The following CELF2 variants were observed in gnomAD, a reference collection of about 807,000 sequenced individuals.
CELF2 encodes CUG triplet repeat RNA-binding protein 2.
A neutral mutation model predicts 62.6 loss-of-function variants in CELF2; 8 were observed. The ratio of observed to expected loss-of-function variants is 0.13; its 90% CI spans 0.07 to 0.23. CELF2 has a LOEUF of 0.23. Ranked by LOEUF, CELF2 falls within the 10% of genes least tolerant of loss-of-function variation. CELF2 has a pLI of 1.00. For synonymous variants in CELF2, 258 were observed against 250.0 expected (o/e 1.03, Z -0.30); for missense variants, 333 against 671.0 (o/e 0.50, Z 5.56).
At chr10:11,212,520 GCA>G (rs1237732127) in intron 2 of CELF2, among the ~76,000 whole-genome samples, 3 of 152,346 alleles carry the variant, frequency 2.0e-5, no homozygotes, top group East Asian at 3.9e-4. Flanking sequence ...CAGAGAATCA[GCA>G]CAGTCTTTTT....
At chr10:10,540,024 T>C in the CELF2 span, among the ~76,000 whole-genome samples, 1 of 152,314 alleles carries the variant, frequency 6.6e-6, no homozygotes, top group Non-Finnish European at 1.5e-5. Flanking sequence ...GCTCCCTTAT[T>C]TTTTAAACCC....
At chr10:10,608,129 A>AAAAC in the CELF2 span, among the ~76,000 whole-genome samples, 40,255 of 125,050 alleles carry the variant, frequency 0.32, 5,730 homozygotes, top group South Asian at 0.54. Context: ...AACTCTGTTA[A>AAAAC]AAACAAACAA....
intron 1 of CELF2, among the ~76,000 whole-genome samples, chr10:11,023,100 C>T (rs566425550): frequency 9.2e-5 from 14 of 152,248 alleles, no homozygotes; most frequent in African/African-American, 3.4e-4. Context: ...GGGAGGGTCA[C>T]ATTTTCGCTT....
At chr10:11,136,445 T>A (rs1200501001) in intron 1 of CELF2, among the ~76,000 whole-genome samples, 1 of 151,714 alleles carries the variant, frequency 6.6e-6, no homozygotes, top group Admixed American at 6.6e-5. Context: ...TTACTAAAAA[T>A]AAGAAAAAAT....
At chr10:10,515,191 A>G in the CELF2 span, among the ~76,000 whole-genome samples, 2 of 152,306 alleles carry the variant, frequency 1.3e-5, no homozygotes, top group South Asian at 4.1e-4. Context: ...GGACTCTACA[A>G]TGGCACCTGA....
chr10:10,794,440 G>A (rs983597386), upstream of CELF2, among the ~76,000 whole-genome samples: 3 of 152,048 alleles, frequency 2.0e-5, no homozygotes, highest in Non-Finnish European at 2.9e-5. Flanking sequence ...AAAGCAAGCC[G>A]CTCCAAAACA....
chr10:10,835,391 T>C (rs868432383), intron 1 of CELF2, among the ~76,000 whole-genome samples: 102 of 151,970 alleles, frequency 6.7e-4, no homozygotes, highest in Middle Eastern at 6.8e-3. Flanking sequence ...TGATTTTTTT[T>C]TTTTTTTCTG....
rs990398394 is a variant in CELF2 at position 11,011,802 on chromosome 10, A to T, written c.53+6362A>T. Among the ~76,000 whole-genome samples, 1 of 152,226 alleles carries T rather than the reference A, an allele frequency of 6.6e-6. No individual in the cohort carries two copies. Among genetic ancestry groups the T allele is most frequent in the African/African-American group, 2.4e-5 (1 of 41,448 alleles). ...GGACTTCATGGGAATTAGCATCAAA[A>T]GCAAAGTTAAATAAAAAGTCATTTG... On this transcript the variant is annotated intron_variant, in intron 1 of 12. Coordinates refer to the CELF2 transcript ENST00000416382. This position sits in a 1 kb window ranked among gnomAD's most constrained non-coding sequence, Gnocchi z 4.6.
chr10:10,650,705 A>G, the CELF2 span, among the ~76,000 whole-genome samples: 3 of 152,384 alleles, frequency 2.0e-5, no homozygotes, highest in East Asian at 5.8e-4. Flanking sequence ...TGGGGAAGAT[A>G]GAACTGTCAT....
At chr10:11,086,007 G>A (rs888445386) in intron 1 of CELF2, among the ~76,000 whole-genome samples, 2 of 152,088 alleles carry the variant, frequency 1.3e-5, no homozygotes, top group South Asian at 2.1e-4. Context: ...ATTAATACAC[G>A]TGAAAGTGCT....
the CELF2 span, among the ~76,000 whole-genome samples, chr10:10,547,073 C>T: frequency 6.6e-6 from 1 of 152,122 alleles, no homozygotes; most frequent in Admixed American, 6.5e-5. Flanking sequence ...CGCCACTGCA[C>T]TCTATCCTGG....
At chr10:10,736,255 C>G in the CELF2 span, among the ~76,000 whole-genome samples, 2 of 152,074 alleles carry the variant, frequency 1.3e-5, no homozygotes, top group Admixed American at 1.3e-4. Context: ...GCTTTTAAAA[C>G]GAAGGTGCTA....
intron 1 of CELF2, among the ~76,000 whole-genome samples, chr10:11,164,848 A>C (rs997059769): frequency 6.6e-6 from 1 of 152,112 alleles, no homozygotes; most frequent in African/African-American, 2.4e-5. Flanking sequence ...GCATAGCTGG[A>C]CCGCTTTCCA....
At chr10:10,775,321 A>C in the CELF2 span, among the ~76,000 whole-genome samples, 3 of 152,252 alleles carry the variant, frequency 2.0e-5, no homozygotes, top group East Asian at 5.8e-4. Context: ...GGGCTCTGGG[A>C]TGGTACAGAG....
At chr10:11,071,068 A>T (rs1241547048) in intron 1 of CELF2, among the ~76,000 whole-genome samples, 2 of 152,246 alleles carry the variant, frequency 1.3e-5, no homozygotes, top group Non-Finnish European at 2.9e-5. Context: ...AGATAAATAC[A>T]GCAGTGATCC....
the CELF2 span, among the ~76,000 whole-genome samples, chr10:10,646,218 G>A: frequency 2.0e-5 from 3 of 152,164 alleles, no homozygotes; most frequent in Admixed American, 2.0e-4. Flanking sequence ...GTCTGGAATG[G>A]GGACAGAAAG....
chr10:10,588,141 T>C, the CELF2 span, among the ~76,000 whole-genome samples: 1 of 152,240 alleles, frequency 6.6e-6, no homozygotes, highest in South Asian at 2.1e-4. Flanking sequence ...AAATTGTGCA[T>C]GTTTGGCAAC....
the CELF2 span, among the ~76,000 whole-genome samples, chr10:10,774,752 T>C: frequency 1.3e-5 from 2 of 152,158 alleles, no homozygotes; most frequent in Non-Finnish European, 2.9e-5. Context: ...AAGGAACTAA[T>C]ACAAATAGGA....
chr10:10,615,182 T>G, the CELF2 span, among the ~76,000 whole-genome samples: 3 of 152,134 alleles, frequency 2.0e-5, no homozygotes, highest in African/African-American at 7.2e-5. Flanking sequence ...TGTATCAAAC[T>G]AGGGGGGAAG....
Sources: gnomAD v4.1 joint callset for allele counts (sites outside exome capture counted in the v4.1 genomes callset) on GRCh38, gnomAD v4.1.1 for gene constraint, Gnocchi (gnomAD v3.1) non-coding constraint, MANE v1.5 for transcripts, NCBI Gene and HGNC (gene_info 2026-07-23, HGNC 2026-07-21) for gene names.